Variants in HAUS6 observed in about 807,000 individuals in gnomAD.
HAUS6 encodes the protein HAUS augmin like complex subunit 6, also known as HAUS augmin-like complex subunit 6.
HAUS6 carries 80 observed loss-of-function variants against 106.8 expected under a neutral mutation model. The observed-to-expected ratio is 0.75, with a 90% CI of 0.63 to 0.90. HAUS6 has a LOEUF of 0.90. Ranked by LOEUF, HAUS6 falls within the 40% of genes least tolerant of loss-of-function variation. The probability of loss-of-function intolerance (pLI) is 0.00; values close to 1 mark genes in which losing one functional copy is unlikely to be tolerated. For synonymous variants in HAUS6, 356 were observed against 379.1 expected, an observed-to-expected ratio of 0.94 and a Z score of 0.71; for missense variants, 1,155 against 1,118.1, an observed-to-expected ratio of 1.03 and a Z score of -0.47.
intron 7 of HAUS6, among the ~76,000 whole-genome samples, chr9:19,084,064 A>G (rs1837227146): frequency 6.6e-6 from 1 of 151,654 alleles, no homozygotes; most frequent in Non-Finnish European, 1.5e-5. Flanking sequence ...AAAAAAAAAA[A>G]AAAAGAATAC....
intron 12 of HAUS6, among the ~76,000 whole-genome samples, chr9:19,067,934 G>A (rs1018663222): frequency 6.6e-5 from 10 of 151,752 alleles, no homozygotes; most frequent in African/African-American, 2.4e-4. Context: ...CCTCAGGTGA[G>A]CCACCCACCT....
chr9:19,098,471 T>C (rs1168563199), intron 1 of HAUS6, among the ~76,000 whole-genome samples: 4 of 150,472 alleles, frequency 2.7e-5, no homozygotes, highest in Admixed American at 2.7e-4. Context: ...TAAGGGAAAA[T>C]TTATATCTAT....
chr9:19,093,156 A>G lies in HAUS6; in HGVS notation c.436+15T>C, dbSNP rs758505919. 7.5e-6 allele frequency: 11 copies of G among 1,474,102 alleles called. No individual in the cohort carries two copies. Among genetic ancestry groups the G allele is most frequent in the East Asian group, 2.3e-5 (1 of 43,332 alleles). 91.3% of individuals were successfully genotyped at this position (1,474,102 alleles called of 1,614,324 possible). On this transcript the variant is annotated intron_variant, in intron 4 of 16. Coordinates refer to ENST00000380502, the MANE Select transcript of HAUS6 (RefSeq NM_017645.5). ...TAAGAATCAAAACAAAAAATCTTTT[A>G]TAAGTTGAACTTACTTTTAGAATTG...
Position 19,066,128 on chromosome 9 carries a change from G to T in HAUS6, c.1377-2548C>A, listed in dbSNP as rs113001706. The stretch of plus-strand genomic sequence containing the variant: ...TTTTTGTAGTTTTAATAGGGACAGG[G>T]TTTCACCATGTTGGCCAGGCTGTTC... On this transcript the variant is annotated intron_variant, in intron 12 of 16. Transcript: ENST00000380502. Among the ~76,000 whole-genome samples, 79 of 151,854 alleles carry T rather than the reference G, an allele frequency of 5.2e-4. No individual in the cohort carries two copies. The South Asian group carries it at 0.015, about 30-fold the overall frequency.
chr9:19,066,760 G>A (rs993851095), intron 12 of HAUS6, among the ~76,000 whole-genome samples: 13 of 151,422 alleles, frequency 8.6e-5, no homozygotes, highest in African/African-American at 2.9e-4. Flanking sequence ...TTGGGAGGTC[G>A]GGGTGGGAGG....
chr9:19,066,689 C>T (rs1318167387), intron 12 of HAUS6, among the ~76,000 whole-genome samples: 1 of 152,006 alleles, frequency 6.6e-6, no homozygotes, highest in Non-Finnish European at 1.5e-5. Context: ...CAGCCTCTCG[C>T]TCTGATCAGA....
In HAUS6 at chr9:19,065,714, G is replaced by A. The variant is rs112185018; in HGVS notation, c.1377-2134C>T. 3.4e-3 allele frequency among the ~76,000 whole-genome samples: 510 copies of A among 151,878 alleles called. 1 individual carries two copies. Among genetic ancestry groups the A allele is most frequent in the African/African-American group, 0.012 (488 of 41,436 alleles). ...AAATTAGCCAGGTGTGGTCATGGGC[G>A]CCTGTAATCCCAGCTACTCGGGAGG... On this transcript the variant is annotated intron_variant, in intron 12 of 16. Coordinates refer to ENST00000380502, the MANE Select transcript of HAUS6 (RefSeq NM_017645.5).
chr9:19,076,934 C>G (rs1017426276), intron 10 of HAUS6, among the ~76,000 whole-genome samples: 5 of 152,158 alleles, frequency 3.3e-5, no homozygotes, highest in Admixed American at 6.5e-5. Context: ...GCCTCAAACT[C>G]CTGGACTTAA....
chr9:19,091,565 A>G (rs1817749920), intron 4 of HAUS6, among the ~76,000 whole-genome samples: 1 of 152,160 alleles, frequency 6.6e-6, no homozygotes, highest in Non-Finnish European at 1.5e-5. Flanking sequence ...TTGTAATCCT[A>G]GCACTTTGGG....
At chr9:19,066,689 C>A (rs1318167387) in intron 12 of HAUS6, among the ~76,000 whole-genome samples, 5 of 152,006 alleles carry the variant, frequency 3.3e-5, no homozygotes, top group African/African-American at 4.8e-5. Context: ...CAGCCTCTCG[C>A]TCTGATCAGA....
intron 9 of HAUS6, 84 bp downstream of exon 9, chr9:19,080,395 G>T: frequency 1.2e-6 from 1 of 808,374 alleles, no homozygotes; most frequent in Non-Finnish European, 2.1e-6. Flanking sequence ...TGCCAAAGCT[G>T]AAGAGCTATT....
intron 7 of HAUS6, among the ~76,000 whole-genome samples, chr9:19,084,711 C>A (rs1232921932): frequency 6.6e-6 from 1 of 151,160 alleles, no homozygotes; most frequent in African/African-American, 2.4e-5. Flanking sequence ...TGGCTCACTG[C>A]AACCTCTGCC....
chr9:19,096,034 T>C (rs1481357912), intron 2 of HAUS6, among the ~76,000 whole-genome samples: 1 of 152,196 alleles, frequency 6.6e-6, no homozygotes, highest in South Asian at 2.1e-4. Flanking sequence ...ATCAAGTTCA[T>C]ACGGATTGAT....
chr9:19,061,217 A>C (rs540513328), intron 14 of HAUS6, among the ~76,000 whole-genome samples: 1 of 152,232 alleles, frequency 6.6e-6, no homozygotes, highest in South Asian at 2.1e-4. Flanking sequence ...GGCCCATGGA[A>C]AAAAAGGGCT....
At position 19,080,471 on chromosome 9, in the gene HAUS6, T is replaced by C. The variant is rs1437743402; in HGVS notation, c.1064+8A>G. 1.3e-6 allele frequency: 2 copies of C among 1,578,886 alleles called. No individual in the cohort carries two copies. The highest frequency in any genetic ancestry group is 4.5e-5 in the East Asian group (2 of 44,682). ...CCCACAGTAAAATAACAGATCTTTT[T>C]AGTGTACCTCATATGTTTCAGATCT... On this transcript the variant is annotated splice_region_variant and intron_variant, in intron 9 of 16. Coordinates refer to ENST00000380502, the MANE Select transcript of HAUS6 (RefSeq NM_017645.5).
intron 1 of HAUS6, 146 bp downstream of exon 1, chr9:19,102,378 G>A: frequency 1.1e-6 from 1 of 871,372 alleles, no homozygotes; most frequent in South Asian, 1.7e-5. Flanking sequence ...GCAGCAACTG[G>A]GAGTAGGAAC....
rs1312749590 is a variant in HAUS6 at position 19,058,157 on chromosome 9, G to C, written c.2610C>G (p.Pro870=). 1.2e-6 allele frequency: 2 copies of C among 1,613,906 alleles called. No individual in the cohort carries two copies. The highest frequency in any genetic ancestry group is 8.5e-7 in the Non-Finnish European group (1 of 1,179,818). Residue 870 remains proline, a synonymous_variant, in exon 16 of 17, where the codon CCC becomes CCG. Transcript: ENST00000380502. ...ERHKPELSPT[P]QNVQTDDTLN... is the part of the protein sequence containing the mutation. ...GCGTATCATCTGTTTGTACATTTTG[G>C]GGAGTAGGGCTCAATTCTGGTTTGT... is the stretch of plus-strand genomic sequence containing the variant.
At chr9:19,061,546 G>T (rs976602837) in intron 14 of HAUS6, among the ~76,000 whole-genome samples, 1 of 151,624 alleles carries the variant, frequency 6.6e-6, no homozygotes, top group African/African-American at 2.4e-5. Flanking sequence ...AAAAATAACT[G>T]ACATCCAGTC....
rs548605631 is a variant in HAUS6, at chr9:19,053,891, T to C, written c.*2452A>G. 9.2e-5 allele frequency: 14 copies of C among 152,224 alleles called. No homozygotes were observed. Among genetic ancestry groups the C allele is most frequent in the African/African-American group, 3.4e-4 (14 of 41,548 alleles). The allele number at this position is 152,224 out of a possible 1,614,324, so 9.4% of individuals were successfully genotyped here. A position where few individuals can be genotyped will look rare whatever the true frequency, so the allele number is the denominator to read the frequency against. On this transcript the variant is annotated 3_prime_UTR_variant, in exon 17 of 17. Transcript: ENST00000380502. ...CTCCCAACACACATTTACATAGGTGTATATGTATTTATGCATGTATGTGTA... is the reference window on the plus strand; with the variant it reads ...CTCCCAACACACATTTACATAGGTGCATATGTATTTATGCATGTATGTGTA...
Sources: gnomAD v4.1 joint callset for allele counts (sites outside exome capture counted in the v4.1 genomes callset) on GRCh38, gnomAD v4.1.1 for gene constraint, MANE v1.5 for transcripts, NCBI Gene and HGNC (gene_info 2026-07-23, HGNC 2026-07-21) for gene names.